PKNOX2: variants seen among roughly 807,000 people sequenced by gnomAD.
PKNOX2 encodes homeobox protein PKNOX2.
PKNOX2 carries 14 observed loss-of-function variants against 53.1 expected under a neutral mutation model. The ratio of observed to expected loss-of-function variants is 0.26; its 90% CI spans 0.17 to 0.41. The LOEUF (loss-of-function observed/expected upper bound fraction) is 0.41. Among genes scored for constraint, PKNOX2 ranks in the 10% least tolerant of loss-of-function variants. The pLI is 1.00. For synonymous variants in PKNOX2, 257 were observed against 242.8 expected (o/e 1.06, Z -0.54); for missense variants, 496 against 602.8 (o/e 0.82, Z 1.85).
rs1333674112 is a variant in PKNOX2 at position 125,422,722 on chromosome 11, A to G, written c.937-6290A>G. Among the ~76,000 whole-genome samples the G allele has an allele frequency of 3.9e-5, 6 of 152,196 alleles. No homozygotes were observed. Among genetic ancestry groups the G allele is most frequent in the African/African-American group, 1.2e-4 (5 of 41,428 alleles). On this transcript the variant is annotated intron_variant, in intron 10 of 12. Transcript: ENST00000298282. This position sits in a 1 kb window ranked among gnomAD's most constrained non-coding sequence, Gnocchi z 4.1. ...GCAGCTCTAAGAAAGTCCACCTGAA[A>G]AATGGCTGCAGGAGATTTACAACCT...
At chr11:125,202,284 C>T (rs1295469765) in intron 1 of PKNOX2, among the ~76,000 whole-genome samples, 6 of 152,190 alleles carry the variant, frequency 3.9e-5, no homozygotes, top group African/African-American at 1.4e-4. Context: ...CCCTCCTTGC[C>T]CCTTTGCTTG....
At chr11:125,382,914 G>C (rs987766421) in intron 5 of PKNOX2, among the ~76,000 whole-genome samples, 3 of 152,158 alleles carry the variant, frequency 2.0e-5, no homozygotes, top group African/African-American at 7.2e-5. Flanking sequence ...GCAGCAAATA[G>C]GCCACCCTTA....
chr11:125,425,251 T>G (rs1202986109), intron 10 of PKNOX2, among the ~76,000 whole-genome samples: 1 of 152,234 alleles, frequency 6.6e-6, no homozygotes, highest in East Asian at 1.9e-4. Flanking sequence ...TCACACAATG[T>G]TAAGGGGTGG....
At chr11:125,226,540 C>T (rs1384951619) in intron 1 of PKNOX2, among the ~76,000 whole-genome samples, 1 of 152,094 alleles carries the variant, frequency 6.6e-6, no homozygotes, top group East Asian at 1.9e-4. Context: ...GGGCCGTCTC[C>T]TAGGTCCTGT....
intron 1 of PKNOX2, among the ~76,000 whole-genome samples, chr11:125,187,180 A>C (rs895307681): frequency 6.6e-6 from 1 of 151,826 alleles, no homozygotes. Flanking sequence ...TTTCAAGATT[A>C]TTTTGGCTAT....
In PKNOX2 at chr11:125,286,625, G is replaced by A. The variant is rs112043080; in HGVS notation, c.-129-45194G>A. On this transcript the variant is annotated intron_variant, in intron 2 of 12. Coordinates refer to ENST00000298282, the MANE Select transcript of PKNOX2 (RefSeq NM_001382323.2). ...CCTCCCCACTGCCAGGCCTGGTGTC[G>A]CCTGCCGGGCCCTCCTGGCCCCCAG... is the stretch of plus-strand genomic sequence containing the variant. 7.8e-3 allele frequency among the ~76,000 whole-genome samples: 1,182 copies of A among 152,332 alleles called. 19 individuals carry two copies. The highest frequency in any genetic ancestry group is 0.026 in the African/African-American group (1,074 of 41,576).
chr11:125,287,110 C>T (rs942833453), intron 2 of PKNOX2, among the ~76,000 whole-genome samples: 11 of 152,146 alleles, frequency 7.2e-5, no homozygotes, highest in African/African-American at 2.4e-4. Flanking sequence ...AGTCTGATGA[C>T]ATTAATCCTC....
At chr11:125,190,996 G>A (rs559863189) in intron 1 of PKNOX2, 6 of 152,168 alleles carry the variant, frequency 3.9e-5, no homozygotes, top group South Asian at 2.1e-4. Flanking sequence ...GAAACTGCAG[G>A]TTCCTGAGGA....
At chr11:125,329,601 A>T (rs1355353295) in intron 2 of PKNOX2, among the ~76,000 whole-genome samples, 1 of 152,264 alleles carries the variant, frequency 6.6e-6, no homozygotes, top group Admixed American at 6.5e-5. Context: ...GCTTTCAGAG[A>T]ATGACAAGCA....
rs1954834470 is a variant in PKNOX2, at chr11:125,165,899, C to T, written c.-201+1123C>T. Among the ~76,000 whole-genome samples the T allele has an allele frequency of 6.6e-6, 1 of 152,172 alleles. No individual in the cohort carries two copies. On this transcript the variant is annotated intron_variant, in intron 1 of 12. Coordinates refer to ENST00000298282, the MANE Select transcript of PKNOX2 (RefSeq NM_001382323.2). This position sits in a 1 kb window ranked among gnomAD's most constrained non-coding sequence, Gnocchi z 4.5. ...CATTTCTTTCGGGTTAGGAGACGGG[C>T]TTTCCTGGCTCCCGATCCCCAGGAA...
At chr11:125,326,023 A>G (rs1949798661) in intron 2 of PKNOX2, among the ~76,000 whole-genome samples, 1 of 152,266 alleles carries the variant, frequency 6.6e-6, no homozygotes. Context: ...AATATTTTCT[A>G]GTAGCAGCTC....
chr11:125,354,335 C>T (rs1008156647), intron 4 of PKNOX2, among the ~76,000 whole-genome samples: 2 of 152,322 alleles, frequency 1.3e-5, no homozygotes, highest in Non-Finnish European at 2.9e-5. Flanking sequence ...ACAAAGCCCA[C>T]TCCCTCCTCA....
chr11:125,431,241 C>A lies in PKNOX2; in HGVS notation c.1268C>A (p.Ala423Asp). The A allele has an allele frequency of 6.2e-7, 1 of 1,613,786 alleles. No homozygotes were observed. Among genetic ancestry groups the A allele is most frequent in the South Asian group, 1.1e-5 (1 of 91,052 alleles). Residue 423 changes from alanine (A) to aspartate (D), a missense_variant, in exon 13 of 13, where the codon GCT becomes GAT. By Grantham distance (126) the Ala-to-Asp change is moderately radical (BLOSUM62 -2). Transcript: ENST00000298282. ...ATGGCCATGCAGCAGGCTATGATGG[C>A]TGCACACGATGACTCATTGGATGGG... Reference protein sequence around the residue: ...ATMAMQQAMMAAHDDSLDGTE... With the variant: ...ATMAMQQAMMDAHDDSLDGTE...
intron 2 of PKNOX2, among the ~76,000 whole-genome samples, chr11:125,287,194 T>A (rs1297587809): frequency 1.3e-5 from 2 of 152,216 alleles, no homozygotes; most frequent in African/African-American, 4.8e-5. Flanking sequence ...TCAGCTTGCT[T>A]AGGGTTGTGT....
intron 2 of PKNOX2, among the ~76,000 whole-genome samples, chr11:125,298,481 G>A (rs1947806452): frequency 6.6e-6 from 1 of 152,158 alleles, no homozygotes; most frequent in African/African-American, 2.4e-5. Flanking sequence ...AAACTGGACT[G>A]AGCTCCAAAG....
chr11:125,292,672 C>T (rs1484754501), intron 2 of PKNOX2, among the ~76,000 whole-genome samples: 1 of 152,200 alleles, frequency 6.6e-6, no homozygotes, highest in East Asian at 1.9e-4. Context: ...GCAGCTTTCA[C>T]TCACGAGGCT....
chr11:125,405,435 C>T (rs1955027182), intron 7 of PKNOX2, among the ~76,000 whole-genome samples: 2 of 152,114 alleles, frequency 1.3e-5, no homozygotes, highest in African/African-American at 2.4e-5. Context: ...CACGGTGGCT[C>T]ACAGGGACAG....
intron 5 of PKNOX2, among the ~76,000 whole-genome samples, chr11:125,382,205 T>C (rs1953284475): frequency 6.6e-6 from 1 of 152,258 alleles, no homozygotes; most frequent in Admixed American, 6.5e-5. Flanking sequence ...TCTGTGCTTA[T>C]ATACAGCATT....
chr11:125,324,372 G>A (rs1005050518), intron 2 of PKNOX2, among the ~76,000 whole-genome samples: 3 of 152,206 alleles, frequency 2.0e-5, no homozygotes, highest in Admixed American at 2.0e-4. Context: ...AGATCAGCAT[G>A]TGGTGTGTTA....
Sources: allele counts gnomAD v4.1 joint callset (sites outside exome capture counted in the v4.1 genomes callset), GRCh38; gene constraint gnomAD v4.1.1; non-coding constraint Gnocchi (gnomAD v3.1); transcripts MANE v1.5; gene names NCBI Gene and HGNC (gene_info 2026-07-23, HGNC 2026-07-21).